Variants in KIAA1549 observed in about 807,000 individuals in gnomAD.
The protein encoded by KIAA1549 is KIAA1549.
A neutral mutation model predicts 156.4 loss-of-function variants in KIAA1549; 70 were observed. The ratio of observed to expected loss-of-function variants is 0.45; its 90% CI spans 0.37 to 0.55. The LOEUF is 0.55. Among genes scored for constraint, KIAA1549 ranks in the 20% least tolerant of loss-of-function variants. The pLI is 0.00. For missense variants in KIAA1549, 2,428 were observed against 2,540.9 expected (o/e 0.96, Z 0.96); for synonymous variants, 1,103 against 1,066.4 (o/e 1.03, Z -0.67).
At chr7:138,939,142 C>T (rs1813101736) in intron 1 of KIAA1549, among the ~76,000 whole-genome samples, 1 of 152,026 alleles carries the variant, frequency 6.6e-6, no homozygotes, top group South Asian at 2.1e-4. Flanking sequence ...AGAGCAAATC[C>T]CAGACATCAT....
At chr7:138,903,962 G>GA (rs1432811122) in intron 7 of KIAA1549, among the ~76,000 whole-genome samples, 3 of 152,162 alleles carry the variant, frequency 2.0e-5, no homozygotes, top group Non-Finnish European at 2.9e-5. Context: ...CATGAATGGG[G>GA]AGAGTCCAGG....
chr7:138,859,603 T>C (rs1272639677), intron 16 of KIAA1549, among the ~76,000 whole-genome samples: 3 of 152,152 alleles, frequency 2.0e-5, no homozygotes, highest in Non-Finnish European at 2.9e-5. Context: ...CCAAACTCCA[T>C]TTCTTCAACT....
intron 4 of KIAA1549, among the ~76,000 whole-genome samples, chr7:138,910,808 C>T (rs1220468601): frequency 2.0e-5 from 3 of 149,110 alleles, no homozygotes; most frequent in African/African-American, 7.4e-5. Flanking sequence ...CCAACCTCCT[C>T]TGCCTCAGCT....
chr7:138,867,957 G>A lies in KIAA1549; in HGVS notation c.4929+18C>T. The A allele has an allele frequency of 6.2e-7, 1 of 1,610,700 alleles. No individual in the cohort carries two copies. The highest frequency in any genetic ancestry group is 2.2e-5 in the East Asian group (1 of 44,794). On this transcript the variant is annotated intron_variant, in intron 15 of 19. Transcript: ENST00000422774. ...CCGCCCCACCCGAGTTCCAGAAACT[G>A]GAGTCGGTGGCACGCACTGGGCATC...
At chr7:138,959,432 G>A (rs1393794050) in intron 1 of KIAA1549, among the ~76,000 whole-genome samples, 4 of 152,152 alleles carry the variant, frequency 2.6e-5, no homozygotes, top group Admixed American at 2.6e-4. Flanking sequence ...AAAAGGGAGT[G>A]GGGGCTTATG....
chr7:138,923,954 CT>C (rs1231573877), intron 1 of KIAA1549, among the ~76,000 whole-genome samples: 5 of 152,194 alleles, frequency 3.3e-5, no homozygotes, highest in African/African-American at 4.8e-5. Flanking sequence ...ATTCCTTTCT[CT>C]ATCATATGAA....
intron 7 of KIAA1549, 77 bp from the exon 8 acceptor site, chr7:138,903,813 G>C (rs1229206366): frequency 3.5e-5 from 8 of 225,988 alleles, no homozygotes; most frequent in Non-Finnish European, 6.1e-5. Context: ...GTGTGTGTGT[G>C]TGTGTGTGTG....
chr7:138,913,734 G>A (rs993363566), intron 2 of KIAA1549, among the ~76,000 whole-genome samples: 1 of 152,042 alleles, frequency 6.6e-6, no homozygotes, highest in African/African-American at 2.4e-5. Flanking sequence ...CAAATCCACA[G>A]CCCCAACCAC....
intron 1 of KIAA1549, among the ~76,000 whole-genome samples, chr7:138,957,189 G>A (rs937379905): frequency 2.0e-5 from 3 of 150,242 alleles, no homozygotes; most frequent in South Asian, 2.1e-4. Flanking sequence ...AGAGCAATAC[G>A]GTTAACAGGA....
chr7:138,941,166 T>C (rs1270946381), intron 1 of KIAA1549, among the ~76,000 whole-genome samples: 1 of 152,192 alleles, frequency 6.6e-6, no homozygotes, highest in Non-Finnish European at 1.5e-5. Flanking sequence ...ATAATGTTAT[T>C]TGTGTTTTGT....
chr7:138,954,720 A>G (rs1813611785), intron 1 of KIAA1549, among the ~76,000 whole-genome samples: 1 of 152,120 alleles, frequency 6.6e-6, no homozygotes, highest in Non-Finnish European at 1.5e-5. Context: ...GCTCGTGGAG[A>G]GGTACCTGGC....
At chr7:138,885,345 C>A (rs1811360784) in intron 10 of KIAA1549, among the ~76,000 whole-genome samples, 1 of 152,144 alleles carries the variant, frequency 6.6e-6, no homozygotes, top group African/African-American at 2.4e-5. Context: ...TCACAGACAA[C>A]CTGCTGGCAT....
intron 17 of KIAA1549, among the ~76,000 whole-genome samples, chr7:138,848,052 TG>T (rs1326455829): frequency 1.4e-4 from 21 of 152,372 alleles, no homozygotes; most frequent in South Asian, 1.0e-3. Context: ...GAAATTTAGT[TG>T]GCTTGCTATT....
chr7:138,928,368 C>T (rs192018656), intron 1 of KIAA1549, among the ~76,000 whole-genome samples: 1 of 150,702 alleles, frequency 6.6e-6, no homozygotes, highest in African/African-American at 2.4e-5. Flanking sequence ...CTCACTGCAA[C>T]CTCTGCCTCC....
rs947441803 is a variant in KIAA1549, at chr7:138,915,205, A to T, written c.2878+1543T>A. Among the ~76,000 whole-genome samples the T allele has an allele frequency of 5.3e-5, 8 of 152,114 alleles. 1 individual carries two copies. The highest frequency in any genetic ancestry group is 4.6e-4 in the Admixed American group (7 of 15,272). On this transcript the variant is annotated intron_variant, in intron 2 of 19. Transcript: ENST00000422774. ...ACAATTCTACTTTTCCTTTTGTGGGAATCCCCAATTTCACATTCTTCCAAA... is the reference window on the plus strand; with the variant it reads ...ACAATTCTACTTTTCCTTTTGTGGGTATCCCCAATTTCACATTCTTCCAAA...
At position 138,835,942 on chromosome 7, in the gene KIAA1549, C is replaced by T. The variant is rs1809693205; in HGVS notation, c.*1964G>A. 4.7e-6 allele frequency: 1 copy of T among 214,436 alleles called. No homozygotes were observed. Among genetic ancestry groups the T allele is most frequent in the Admixed American group, 5.8e-5 (1 of 17,130 alleles). The allele number at this position is 214,436 out of a possible 1,614,324, so 13.3% of individuals were successfully genotyped here. Reference sequence around the variant, plus strand: ...GAGGTGCCCAGATGAAAACTGGCTACATCTTACCTTCCCAGAACCAACTTC... The same window carrying T: ...GAGGTGCCCAGATGAAAACTGGCTATATCTTACCTTCCCAGAACCAACTTC... On this transcript the variant is annotated 3_prime_UTR_variant, in exon 20 of 20. Coordinates refer to ENST00000422774, the MANE Select transcript of KIAA1549 (RefSeq NM_001164665.2).
chr7:138,883,199 G>A (rs759343658), intron 10 of KIAA1549, among the ~76,000 whole-genome samples: 6 of 149,022 alleles, frequency 4.0e-5, no homozygotes, highest in African/African-American at 7.5e-5. Flanking sequence ...CTTCAACCTA[G>A]GAGTTGGAGA....
Position 138,911,280 on chromosome 7 carries a change from C to A in KIAA1549, c.3011G>T (p.Gly1004Val). The A allele has an allele frequency of 6.2e-7, 1 of 1,602,256 alleles. No homozygotes were observed. Among genetic ancestry groups the A allele is most frequent in the Non-Finnish European group, 8.5e-7 (1 of 1,173,986 alleles). The change falls in exon 4 of 20, where the codon GGT becomes GTT. Residue 1004 changes from glycine (G) to valine (V), a missense_variant. Coordinates refer to ENST00000422774, the MANE Select transcript of KIAA1549 (RefSeq NM_001164665.2). ...FTDFTFLVTS[G>V]PFVYTAISVI... ...GGATATTGCCGTGTAAACGAAAGGACCGGATGTTACCAGAAAAGTGAAGTC... is the reference window on the plus strand; with the variant it reads ...GGATATTGCCGTGTAAACGAAAGGAACGGATGTTACCAGAAAAGTGAAGTC...
At chr7:138,881,670 C>T in intron 10 of KIAA1549, 86 bp from the exon 11 acceptor site, 2 of 1,167,196 alleles carry the variant, frequency 1.7e-6, no homozygotes, top group Non-Finnish European at 2.4e-6. Context: ...CAAGACTGTG[C>T]TGGCAATTCC....
Sources: allele counts gnomAD v4.1 joint callset (sites outside exome capture counted in the v4.1 genomes callset), GRCh38; gene constraint gnomAD v4.1.1; transcripts MANE v1.5; gene names NCBI Gene and HGNC (gene_info 2026-07-23, HGNC 2026-07-21).